EFCAB13: variants seen among roughly 807,000 people sequenced by gnomAD.
EFCAB13 encodes the protein EF-hand calcium binding domain 13.
A neutral mutation model predicts 110.2 loss-of-function variants in EFCAB13; 91 were observed. The ratio of observed to expected loss-of-function variants is 0.83; its 90% CI spans 0.70 to 0.98. EFCAB13 has a LOEUF of 0.98. Ranked by LOEUF, EFCAB13 falls within the 50% of genes least tolerant of loss-of-function variation. The pLI is 0.00. For missense variants in EFCAB13, 968 were observed against 1,119.4 expected (o/e 0.86, Z 1.93); for synonymous variants, 323 against 369.9 (o/e 0.87, Z 1.45).
chr17:47,367,428 T>C (rs2065553551), intron 10 of EFCAB13, among the ~76,000 whole-genome samples: 1 of 152,212 alleles, frequency 6.6e-6, no homozygotes, highest in Non-Finnish European at 1.5e-5. Flanking sequence ...TTGGCCCTGG[T>C]CCTGGCTTGC....
rs111748797 is a variant in EFCAB13, at chr17:47,328,622, T to C, written c.30+239T>C. Among the ~76,000 whole-genome samples the C allele has an allele frequency of 2.5e-3, 380 of 152,214 alleles. 4 individuals are homozygous for C. Among genetic ancestry groups the C allele is most frequent in the African/African-American group, 8.9e-3 (371 of 41,536 alleles). On this transcript the variant is annotated intron_variant, in intron 4 of 24. Transcript: ENST00000331493. Reference sequence around the variant, plus strand: ...GTATGATGAGAGTATTTTGGTGGGGTACGGACCTGGATAATTTTTGTGGAG... The same window carrying C: ...GTATGATGAGAGTATTTTGGTGGGGCACGGACCTGGATAATTTTTGTGGAG...
Position 47,395,912 on chromosome 17 carries a change from C to G in EFCAB13, c.1880C>G (p.Ser627Cys). 1 of 1,610,916 alleles carries G rather than the reference C, an allele frequency of 6.2e-7. No homozygotes were observed. The change falls in exon 17 of 25, where the codon TCT becomes TGT. Residue 627 changes from serine to cysteine, a missense_variant. Physicochemically the swap from Ser to Cys is moderately radical, Grantham distance 112. Coordinates refer to ENST00000331493, the MANE Select transcript of EFCAB13 (RefSeq NM_152347.5). ...GTTTCTGACCTGTGGAATACTCTGT[C>G]TAGTTTGAATAGTAATTTAAAAAAG... ...MSVSDLWNTL[S>C]SLNSNLKKDE...
chr17:47,406,074 T>C (rs191153909), intron 20 of EFCAB13, among the ~76,000 whole-genome samples: 107 of 152,292 alleles, frequency 7.0e-4, no homozygotes, highest in African/African-American at 2.5e-3. Context: ...CTGAGAGTTA[T>C]TTAGGAGGAA....
rs4968318 is a variant in EFCAB13 at position 47,374,528 on chromosome 17, G to A, written c.934G>A (p.Val312Ile). Residue 312 changes from valine to isoleucine, a missense_variant, in exon 12 of 25, where the codon GTA becomes ATA. By Grantham distance (29) the Val-to-Ile change is conservative. Coordinates refer to ENST00000331493, the MANE Select transcript of EFCAB13 (RefSeq NM_152347.5). ...EITSDRKLSS[V>I]AGCYLKYKKK... ...TACTTCAGACAGAAAGTTATCAAGT[G>A]TAGCAGGATGCTATCTAAAATATAA... is the stretch of plus-strand genomic sequence containing the variant. 961,805 of 1,572,736 alleles carry A rather than the reference G, an allele frequency of 0.61. 295,789 individuals are homozygous for A. Among genetic ancestry groups the A allele is most frequent in the African/African-American group, 0.73 (53,153 of 72,546 alleles).
At chr17:47,341,706 C>A (rs930653441) in intron 5 of EFCAB13, among the ~76,000 whole-genome samples, 1 of 151,960 alleles carries the variant, frequency 6.6e-6, no homozygotes, top group African/African-American at 2.4e-5. Context: ...CTATTAAAAT[C>A]TTTACAGATG....
intron 7 of EFCAB13, 142 bp downstream of exon 7, chr17:47,344,434 C>T: frequency 9.4e-7 from 1 of 1,068,140 alleles, no homozygotes. Flanking sequence ...GAGATAAGAG[C>T]ACTGTATATG....
intron 9 of EFCAB13, among the ~76,000 whole-genome samples, chr17:47,359,421 G>T (rs2065497915): frequency 6.6e-6 from 1 of 151,482 alleles, no homozygotes; most frequent in Non-Finnish European, 1.5e-5. Context: ...GCTTATCAAA[G>T]AACTTAGTAA....
chr17:47,346,596 T>A (rs1045345861), intron 8 of EFCAB13, among the ~76,000 whole-genome samples: 3 of 152,140 alleles, frequency 2.0e-5, no homozygotes, highest in Non-Finnish European at 4.4e-5. Context: ...GAAGTGGGAT[T>A]ACTGGATCAT....
intron 23 of EFCAB13, among the ~76,000 whole-genome samples, chr17:47,415,227 G>C (rs1290756977): frequency 6.6e-6 from 1 of 152,072 alleles, no homozygotes; most frequent in East Asian, 1.9e-4. Flanking sequence ...TCACACTCTG[G>C]GGACTGTTAT....
At chr17:47,406,232 C>T (rs2065804625) in intron 20 of EFCAB13, among the ~76,000 whole-genome samples, 1 of 152,162 alleles carries the variant, frequency 6.6e-6, no homozygotes, top group African/African-American at 2.4e-5. Context: ...CCTGCCTCAG[C>T]CTCTTGAGTA....
intron 17 of EFCAB13, among the ~76,000 whole-genome samples, chr17:47,401,683 C>T (rs995109370): frequency 1.1e-4 from 13 of 117,004 alleles, no homozygotes; most frequent in African/African-American, 3.7e-4. Context: ...CTCGCTTTGT[C>T]GCCCAGGCTG....
At chr17:47,420,757 C>A (rs1429172072) in intron 23 of EFCAB13, among the ~76,000 whole-genome samples, 56 of 152,234 alleles carry the variant, frequency 3.7e-4, no homozygotes, top group African/African-American at 1.3e-3. Flanking sequence ...CCGGCAGCCA[C>A]CCCGTCTGGG....
At chr17:47,420,159 G>A (rs957669252) in intron 23 of EFCAB13, among the ~76,000 whole-genome samples, 9 of 152,326 alleles carry the variant, frequency 5.9e-5, no homozygotes, top group Non-Finnish European at 1.2e-4. Context: ...TGTGTTGGCC[G>A]GGCTGGTCTC....
chr17:47,423,948 C>T (rs1699763421), intron 23 of EFCAB13, among the ~76,000 whole-genome samples: 1 of 151,864 alleles, frequency 6.6e-6, no homozygotes, highest in Admixed American at 6.6e-5. Flanking sequence ...GCGCTCAGCC[C>T]CTTCTCGGCC....
At chr17:47,405,234 A>AT (rs1282332969) in intron 20 of EFCAB13, among the ~76,000 whole-genome samples, 2 of 152,126 alleles carry the variant, frequency 1.3e-5, no homozygotes, top group Admixed American at 6.6e-5. Flanking sequence ...GGTTATTGCC[A>AT]TTTTTTTACT....
At chr17:47,398,658 C>T (rs866468697) in intron 17 of EFCAB13, among the ~76,000 whole-genome samples, 23 of 151,270 alleles carry the variant, frequency 1.5e-4, no homozygotes, top group African/African-American at 5.6e-4. Flanking sequence ...AGGCAGCATG[C>T]TCCTTAAGAG....
chr17:47,333,325 G>A (rs1192655578), intron 4 of EFCAB13, among the ~76,000 whole-genome samples: 1 of 151,908 alleles, frequency 6.6e-6, no homozygotes, highest in African/African-American at 2.4e-5. Flanking sequence ...ATGTAATTTG[G>A]GTATAAATCC....
intron 17 of EFCAB13, 42 bp downstream of exon 17, chr17:47,396,019 A>G (rs199753910): frequency 3.2e-5 from 49 of 1,512,428 alleles, no homozygotes; most frequent in Admixed American, 1.7e-4. Context: ...ATACCAAGAT[A>G]TTACTTTATT....
chr17:47,403,977 C>CT lies in EFCAB13; in HGVS notation c.2118dup (p.Lys707Ter). 6.2e-7 allele frequency: 1 copy of CT among 1,607,576 alleles called. No individual in the cohort carries two copies. Among genetic ancestry groups the CT allele is most frequent in the East Asian group, 2.2e-5 (1 of 44,676 alleles). On this transcript the variant is annotated frameshift_variant, in exon 19 of 25. Coordinates refer to ENST00000331493, the MANE Select transcript of EFCAB13 (RefSeq NM_152347.5). LOFTEE classifies it high-confidence loss of function. ...CTAAGAAATGTTGGGATTAAGTCACCTAAAGAAGAGGTAGAGAAAATTCTT... is the reference window on the plus strand; with the variant it reads ...CTAAGAAATGTTGGGATTAAGTCACCTTAAAGAAGAGGTAGAGAAAATTCTT...
Sources: gnomAD v4.1 joint callset for allele counts (sites outside exome capture counted in the v4.1 genomes callset) on GRCh38, gnomAD v4.1.1 for gene constraint, MANE v1.5 for transcripts, NCBI Gene and HGNC (gene_info 2026-07-23, HGNC 2026-07-21) for gene names.